PHLPP1: variants seen among roughly 807,000 people sequenced by gnomAD.
PHLPP1 encodes PH domain and leucine rich repeat protein phosphatase 1.
Under a neutral mutation model 117.2 loss-of-function variants are expected in PHLPP1, and 42 were observed. The ratio of observed to expected loss-of-function variants is 0.36; its 90% CI spans 0.28 to 0.46. PHLPP1 has a LOEUF of 0.46. PHLPP1 is among the 20% of genes least tolerant of loss of function. PHLPP1 has a pLI of 1.00. For synonymous variants in PHLPP1, 1,042 were observed against 970.7 expected (o/e 1.07, Z -1.37); for missense variants, 2,084 against 2,241.9 (o/e 0.93, Z 1.42).
At chr18:62,755,565 ATTC>A (rs1911990625) in intron 1 of PHLPP1, among the ~76,000 whole-genome samples, 2 of 152,242 alleles carry the variant, frequency 1.3e-5, no homozygotes, top group African/African-American at 4.8e-5. Flanking sequence ...GAGAGAGACT[ATTC>A]TTCTTCCACC....
chr18:62,941,642 TG>T, intron 10 of PHLPP1, 75 bp from the exon 11 acceptor site: 1 of 1,010,950 alleles, frequency 9.9e-7, no homozygotes, highest in Non-Finnish European at 1.5e-6. Context: ...CTAATATGCC[TG>T]GTATCAAAGC....
intron 8 of PHLPP1, among the ~76,000 whole-genome samples, chr18:62,913,739 CTTTTTTTTTTT>C (rs398033174): frequency 9.9e-6 from 1 of 100,750 alleles, no homozygotes; most frequent in African/African-American, 4.0e-5. Context: ...CTCTCTCTCT[CTTTTTTTTTTT>C]TTTTTTTTTT....
intron 4 of PHLPP1, among the ~76,000 whole-genome samples, 171 bp downstream of exon 4, chr18:62,860,772 T>A (rs983632653): frequency 6.6e-6 from 1 of 152,234 alleles, no homozygotes; most frequent in African/African-American, 2.4e-5. Context: ...ATTCTCAATC[T>A]GAAATTTTTT....
intron 1 of PHLPP1, chr18:62,779,689 G>C (rs1331692865): frequency 6.6e-6 from 1 of 152,186 alleles, no homozygotes; most frequent in African/African-American, 2.4e-5. Flanking sequence ...GAGCTATGCA[G>C]ATTACAGGGT....
chr18:62,918,982 A>G (rs1057410286), intron 9 of PHLPP1, among the ~76,000 whole-genome samples: 7 of 152,238 alleles, frequency 4.6e-5, no homozygotes, highest in Admixed American at 2.0e-4. Flanking sequence ...TTAATTAAAA[A>G]TTAACTTTAA....
intron 1 of PHLPP1, among the ~76,000 whole-genome samples, chr18:62,814,261 A>G (rs1914203692): frequency 1.3e-5 from 2 of 152,288 alleles, no homozygotes; most frequent in African/African-American, 4.8e-5. Flanking sequence ...AACCCTCCCA[A>G]ATCTATTTAG....
At chr18:62,729,158 TG>T (rs1323107816) in intron 1 of PHLPP1, among the ~76,000 whole-genome samples, 2 of 152,330 alleles carry the variant, frequency 1.3e-5, no homozygotes, top group East Asian at 3.9e-4. Context: ...CTGCCATCTT[TG>T]GCAAACGGGC....
At position 62,880,688 on chromosome 18, in the gene PHLPP1, T is replaced by C. The variant is rs142701239; in HGVS notation, c.2067-14323T>C. Among the ~76,000 whole-genome samples the C allele has an allele frequency of 9.0e-3, 1,377 of 152,310 alleles. 8 individuals carry two copies. Among genetic ancestry groups the C allele is most frequent in the Non-Finnish European group, 0.012 (836 of 68,020 alleles). ...TAAAGAAACCATCTCAAAACAGATA[T>C]GTTTAAGTGTAATGTGATAACATAT... On this transcript the variant is annotated intron_variant, in intron 4 of 16. Coordinates refer to ENST00000262719, the MANE Select transcript of PHLPP1 (RefSeq NM_194449.4).
At chr18:62,742,784 C>T (rs1911568512) in intron 1 of PHLPP1, among the ~76,000 whole-genome samples, 1 of 152,118 alleles carries the variant, frequency 6.6e-6, no homozygotes, top group African/African-American at 2.4e-5. Flanking sequence ...TGCCCCATCC[C>T]AGCACACTCA....
Position 62,963,621 on chromosome 18 carries a change from C to T in PHLPP1, c.3560+149C>T, listed in dbSNP as rs1480508606. The T allele has an allele frequency of 1.2e-5, 7 of 601,464 alleles. No homozygotes were observed. The African/African-American group carries it at 1.3e-4, about 11-fold the overall frequency. The allele number at this position is 601,464 out of a possible 1,614,324, so 37.3% of individuals were successfully genotyped here. On this transcript the variant is annotated intron_variant, in intron 14 of 16. Coordinates refer to ENST00000262719, the MANE Select transcript of PHLPP1 (RefSeq NM_194449.4). ...AAGTTTCCCCAGAGTGAGGCTCCCT[C>T]ACGACTTATGTTTGAACATTAAGGG... is the stretch of plus-strand genomic sequence containing the variant.
intron 2 of PHLPP1, among the ~76,000 whole-genome samples, chr18:62,836,673 A>G (rs1035707479): frequency 6.7e-6 from 1 of 150,354 alleles, no homozygotes; most frequent in African/African-American, 2.4e-5. Flanking sequence ...GTTTGGATTG[A>G]TCTATTTTTT....
At chr18:62,949,165 T>C (rs1005310271) in intron 12 of PHLPP1, among the ~76,000 whole-genome samples, 3 of 152,210 alleles carry the variant, frequency 2.0e-5, no homozygotes, top group African/African-American at 7.2e-5. Flanking sequence ...ATTGCAATTT[T>C]AAAAACTTAG....
intron 10 of PHLPP1, among the ~76,000 whole-genome samples, chr18:62,940,305 T>C: frequency 7.2e-6 from 1 of 138,556 alleles, no homozygotes; most frequent in South Asian, 2.4e-4. Context: ...CTTATCTTAG[T>C]TATAAAACCA....
chr18:62,978,481 C>G lies in PHLPP1; in HGVS notation c.4204C>G (p.Leu1402Val). 1 of 1,609,266 alleles carries G rather than the reference C, an allele frequency of 6.2e-7. No homozygotes were observed. The highest frequency in any genetic ancestry group is 8.5e-7 in the Non-Finnish European group (1 of 1,177,808). ...VPDALAAAKK[L>V]CTLAQSYGCH... ...CGATGCCCTGGCTGCTGCCAAGAAG[C>G]TGTGTACCCTGGCCCAGAGCTACGG... The change falls in exon 17 of 17, where the codon CTG becomes GTG. Residue 1402 changes from leucine to valine, a missense_variant. Transcript: ENST00000262719. The surrounding 1 kb of genome is among the most constrained non-coding windows in gnomAD (Gnocchi z 7.0).
chr18:62,778,401 A>G (rs1913024113), intron 1 of PHLPP1, among the ~76,000 whole-genome samples: 1 of 152,236 alleles, frequency 6.6e-6, no homozygotes, highest in Non-Finnish European at 1.5e-5. Context: ...CTGGAAGACT[A>G]AATATAGCCT....
At chr18:62,752,505 T>A (rs776941471) in intron 1 of PHLPP1, among the ~76,000 whole-genome samples, 3 of 152,222 alleles carry the variant, frequency 2.0e-5, no homozygotes, top group African/African-American at 7.2e-5. Context: ...CAAATAGATA[T>A]GCAGATAAAG....
At chr18:62,771,262 A>G (rs904589936) in intron 1 of PHLPP1, among the ~76,000 whole-genome samples, 1 of 151,896 alleles carries the variant, frequency 6.6e-6, no homozygotes, top group Admixed American at 6.6e-5. Flanking sequence ...TCAGCCATCC[A>G]TGTGGATCAT....
chr18:62,939,267 A>T (rs1461819942), intron 10 of PHLPP1, among the ~76,000 whole-genome samples: 1 of 152,086 alleles, frequency 6.6e-6, no homozygotes, highest in African/African-American at 2.4e-5. Flanking sequence ...TGCTGGGATT[A>T]CAGGTGTGAG....
chr18:62,720,252 C>G (rs111331799), intron 1 of PHLPP1, among the ~76,000 whole-genome samples: 35 of 152,124 alleles, frequency 2.3e-4, no homozygotes, highest in African/African-American at 8.0e-4. Flanking sequence ...GTTTTAGACT[C>G]TCTGGGGAGC....
Sources: allele counts gnomAD v4.1 joint callset (sites outside exome capture counted in the v4.1 genomes callset), GRCh38; gene constraint gnomAD v4.1.1; non-coding constraint Gnocchi (gnomAD v3.1); transcripts MANE v1.5; gene names NCBI Gene and HGNC (gene_info 2026-07-23, HGNC 2026-07-21).